The following PTPRE variants were observed in gnomAD, a reference collection of about 807,000 sequenced individuals.
PTPRE encodes the protein receptor-type tyrosine-protein phosphatase epsilon.
In PTPRE, 51 loss-of-function variants were observed where a neutral mutation model predicts 102.0. The observed-to-expected ratio is 0.50, with a 90% CI of 0.40 to 0.63. PTPRE has a LOEUF of 0.63. Among genes scored for constraint, PTPRE ranks in the 30% least tolerant of loss-of-function variants. The pLI, the probability that PTPRE is intolerant of heterozygous loss-of-function variation, is 0.00. For missense variants in PTPRE, 752 were observed against 915.1 expected, an observed-to-expected ratio of 0.82 and a Z score of 2.30; for synonymous variants, 345 against 348.2, an observed-to-expected ratio of 0.99 and a Z score of 0.10.
In PTPRE at chr10:127,979,249, G is replaced by A. The variant is rs529410438; in HGVS notation, c.-30-3025G>A. Among the ~76,000 whole-genome samples the A allele has an allele frequency of 2.0e-5, 3 of 152,244 alleles. No individual in the cohort carries two copies. In the South Asian group the frequency reaches 6.2e-4, roughly 32 times the overall value. On this transcript the variant is annotated intron_variant, in intron 1 of 20. Coordinates refer to ENST00000254667, the MANE Select transcript of PTPRE (RefSeq NM_006504.6). ...AAGGATGTTGTGTCAGCTTCTCACT[G>A]ACCCCACTTCACGGATCTGTCTGCT...
At chr10:128,059,887 C>G (rs1317573963) in intron 7 of PTPRE, among the ~76,000 whole-genome samples, 1 of 152,100 alleles carries the variant, frequency 6.6e-6, no homozygotes, top group Non-Finnish European at 1.5e-5. Context: ...GTGACTACAA[C>G]CCACAAAAGT....
chr10:128,022,266 A>T (rs938223475), intron 2 of PTPRE, among the ~76,000 whole-genome samples: 5 of 152,180 alleles, frequency 3.3e-5, no homozygotes, highest in Non-Finnish European at 7.4e-5. Context: ...CCGCTCCCTG[A>T]GAACCACTCA....
At chr10:127,949,500 T>C (rs896216625) in intron 1 of PTPRE, among the ~76,000 whole-genome samples, 2 of 152,204 alleles carry the variant, frequency 1.3e-5, no homozygotes, top group African/African-American at 2.4e-5. Context: ...TTTGTAAATA[T>C]GCAAAATAAA....
chr10:127,962,962 G>A (rs1849944314), intron 1 of PTPRE, among the ~76,000 whole-genome samples: 1 of 152,164 alleles, frequency 6.6e-6, no homozygotes. Flanking sequence ...TCCCAAGTTG[G>A]GGTGCCCTTG....
intron 2 of PTPRE, among the ~76,000 whole-genome samples, chr10:127,995,395 C>T (rs1564861028): frequency 6.6e-6 from 1 of 152,172 alleles, no homozygotes; most frequent in Non-Finnish European, 1.5e-5. Flanking sequence ...CCATCCGCGT[C>T]CCTGGAGATG....
At chr10:128,047,654 C>G in intron 4 of PTPRE, 110 bp from the exon 5 acceptor site, 1 of 1,614,148 alleles carries the variant, frequency 6.2e-7, no homozygotes, top group Non-Finnish European at 8.5e-7. Flanking sequence ...CAGCCATGAG[C>G]AACAGGAGTA....
chr10:127,944,964 G>A lies in PTPRE; in HGVS notation c.-30-37310G>A, dbSNP rs2135312648. On this transcript the variant is annotated intron_variant, in intron 1 of 20. Transcript: ENST00000254667. This position sits in a 1 kb window ranked among gnomAD's most constrained non-coding sequence, Gnocchi z 4.2. ...CCCCAGTGGGCTGGACAGCTGGGGG[G>A]ATGGTGGCACCTTCTATCAAAATAA... Among the ~76,000 whole-genome samples, 1 of 152,306 alleles carries A rather than the reference G, an allele frequency of 6.6e-6. No individual in the cohort carries two copies. Among genetic ancestry groups the A allele is most frequent in the East Asian group, 1.9e-4 (1 of 5,174 alleles).
In PTPRE at chr10:128,073,392, T is replaced by C. The variant is rs1850951700; in HGVS notation, c.1520T>C (p.Val507Ala). ...IATQGPLAHTVEDFWRMIWEW... is the reference protein window; with the variant it reads ...IATQGPLAHTAEDFWRMIWEW... The stretch of plus-strand genomic sequence containing the variant: ...ACCCAGGGGCCACTGGCACACACGG[T>C]TGAGGACTTCTGGAGGATGATCTGG... Residue 507 changes from valine to alanine, a missense_variant, in exon 17 of 21, where the codon GTT becomes GCT. Physicochemically the swap from Val to Ala is moderately conservative, Grantham distance 64. This residue lies in a region of PTPRE where 636 missense variants were observed against 824.4 expected (regional missense o/e 0.77). Transcript: ENST00000254667. The C allele has an allele frequency of 1.2e-6, 2 of 1,614,178 alleles. No homozygotes were observed. The highest frequency in any genetic ancestry group is 1.1e-5 in the South Asian group (1 of 91,086).
At chr10:128,035,020 G>C (rs531952423) in intron 2 of PTPRE, among the ~76,000 whole-genome samples, 1 of 152,234 alleles carries the variant, frequency 6.6e-6, no homozygotes, top group African/African-American at 2.4e-5. Flanking sequence ...GTCTGGCTCT[G>C]TTGTCCAGGC....
At chr10:127,962,376 A>G (rs933390394) in intron 1 of PTPRE, among the ~76,000 whole-genome samples, 1 of 152,208 alleles carries the variant, frequency 6.6e-6, no homozygotes, top group Non-Finnish European at 1.5e-5. Context: ...CAGGTGACCG[A>G]GGCTCAAAGG....
At chr10:127,999,694 A>C (rs1853670110) in intron 2 of PTPRE, 1 of 984,136 alleles carries the variant, frequency 1.0e-6, no homozygotes, top group African/African-American at 1.7e-5. Flanking sequence ...ATTTTTAAGC[A>C]TTTATTTCAA....
chr10:127,977,819 A>G (rs1219020022), intron 1 of PTPRE, among the ~76,000 whole-genome samples: 2 of 152,006 alleles, frequency 1.3e-5, no homozygotes, highest in African/African-American at 4.8e-5. Flanking sequence ...CTAAGGGTGG[A>G]TTTCCCCTGT....
intron 5 of PTPRE, among the ~76,000 whole-genome samples, chr10:128,048,139 G>A (rs1206495553): frequency 2.6e-5 from 4 of 152,120 alleles, no homozygotes; most frequent in African/African-American, 9.7e-5. Context: ...TTTCAGTGAG[G>A]CCTTACAATC....
chr10:128,066,101 C>T lies in PTPRE; in HGVS notation c.750C>T (p.Asp250=), dbSNP rs371902875. ...KEEKCHQYWP[D]QGCWTYGNIR... is the part of the protein sequence containing the mutation. ...AAAAGTGCCATCAGTACTGGCCCGA[C>T]CAAGGCTGCTGGACCTATGGAAACA... The change falls in exon 11 of 21, where the codon GAC becomes GAT. Residue 250 remains aspartate, a synonymous_variant. Transcript: ENST00000254667. The T allele has an allele frequency of 4.3e-6, 7 of 1,614,076 alleles. No homozygotes were observed. Among genetic ancestry groups the T allele is most frequent in the Non-Finnish European group, 5.9e-6 (7 of 1,180,038 alleles).
chr10:127,963,090 C>T (rs896821170), intron 1 of PTPRE, among the ~76,000 whole-genome samples: 1 of 152,150 alleles, frequency 6.6e-6, no homozygotes, highest in East Asian at 1.9e-4. Context: ...CCTGTGGAGG[C>T]CAGACACTGA....
chr10:127,971,095 C>A (rs944489391), intron 1 of PTPRE, among the ~76,000 whole-genome samples: 1 of 152,160 alleles, frequency 6.6e-6, no homozygotes, highest in African/African-American at 2.4e-5. Context: ...CATGCAGAGA[C>A]CCTGCCTGTA....
chr10:127,980,336 T>TC (rs1851506252), intron 1 of PTPRE, among the ~76,000 whole-genome samples: 1 of 128,616 alleles, frequency 7.8e-6, no homozygotes, highest in Non-Finnish European at 1.6e-5. Flanking sequence ...CATATACAAA[T>TC]CCTTTTTTTT....
intron 19 of PTPRE, among the ~76,000 whole-genome samples, chr10:128,078,218 G>C (rs1851394129): frequency 6.6e-6 from 1 of 152,214 alleles, no homozygotes. Context: ...CATATGAGGA[G>C]TCCCAACTGG....
At chr10:127,973,007 A>G (rs1207966104) in intron 1 of PTPRE, among the ~76,000 whole-genome samples, 1 of 152,248 alleles carries the variant, frequency 6.6e-6, no homozygotes, top group Non-Finnish European at 1.5e-5. Context: ...TGATGGATGC[A>G]CTGCTTAGCA....
Sources: allele counts gnomAD v4.1 joint callset (sites outside exome capture counted in the v4.1 genomes callset), GRCh38; gene constraint gnomAD v4.1.1; regional missense constraint gnomAD v4.1.1; non-coding constraint Gnocchi (gnomAD v3.1); transcripts MANE v1.5; gene names NCBI Gene and HGNC (gene_info 2026-07-23, HGNC 2026-07-21).